Variants in MAP7 observed in about 807,000 individuals in gnomAD.
MAP7 encodes microtubule associated protein 7, also known as ensconsin.
MAP7 carries 52 observed loss-of-function variants against 94.8 expected under a neutral mutation model. That is an observed-to-expected ratio of 0.55 (90% CI 0.44 to 0.69). The LOEUF (loss-of-function observed/expected upper bound fraction) is 0.69. Among genes scored for constraint, MAP7 ranks in the 30% least tolerant of loss-of-function variants. The probability of loss-of-function intolerance (pLI) is 0.00; values close to 1 mark genes in which losing one functional copy is unlikely to be tolerated. For synonymous variants in MAP7, 350 were observed against 357.0 expected (o/e 0.98, Z 0.22); for missense variants, 940 against 964.6 (o/e 0.97, Z 0.34).
chr6:136,442,639 T>C (rs1200997523), intron 1 of MAP7, among the ~76,000 whole-genome samples: 1 of 152,084 alleles, frequency 6.6e-6, no homozygotes, highest in African/African-American at 2.4e-5. Flanking sequence ...ACATCTCTGG[T>C]TTAGAACCAC....
intron 1 of MAP7, among the ~76,000 whole-genome samples, chr6:136,491,681 T>TA (rs1231372544): frequency 6.6e-6 from 1 of 152,222 alleles, no homozygotes; most frequent in Admixed American, 6.5e-5. Context: ...AATGTGAGTC[T>TA]AACACTCAAT....
At chr6:136,548,610 G>C (rs574650789) in intron 1 of MAP7, among the ~76,000 whole-genome samples, 1 of 152,308 alleles carries the variant, frequency 6.6e-6, no homozygotes, top group Admixed American at 6.5e-5. Context: ...ATATTACACT[G>C]ACAGGCACAT....
At chr6:136,534,158 T>C (rs9389401) in intron 1 of MAP7, among the ~76,000 whole-genome samples, 18,347 of 152,180 alleles carry the variant, frequency 0.12, 2,802 homozygotes, top group African/African-American at 0.36. Flanking sequence ...GAACCAATAG[T>C]ATTTTTGGTT....
At chr6:136,467,909 C>A (rs1405752196) in intron 1 of MAP7, among the ~76,000 whole-genome samples, 1 of 152,136 alleles carries the variant, frequency 6.6e-6, no homozygotes, top group East Asian at 1.9e-4. Context: ...AGCAGTTGGA[C>A]CTGACCCAAT....
At chr6:136,407,236 A>G (rs1397481161) in intron 3 of MAP7, among the ~76,000 whole-genome samples, 1 of 152,240 alleles carries the variant, frequency 6.6e-6, no homozygotes, top group African/African-American at 2.4e-5. Flanking sequence ...ACAAAAAATT[A>G]GAGACCACAG....
intron 1 of MAP7, among the ~76,000 whole-genome samples, chr6:136,524,815 C>T (rs910033154): frequency 2.6e-5 from 4 of 152,202 alleles, no homozygotes; most frequent in East Asian, 1.9e-4. Context: ...TAAATATTTG[C>T]TTTCTACTTT....
chr6:136,433,781 GATAGGCA>G (rs1280602503), intron 1 of MAP7, among the ~76,000 whole-genome samples: 13 of 152,146 alleles, frequency 8.5e-5, no homozygotes, highest in Non-Finnish European at 1.6e-4. Context: ...ACCTTCTCTG[GATAGGCA>G]ATAAAGTAGT....
In MAP7 at chr6:136,447,504, T is replaced by G. The variant is rs182458964; in HGVS notation, c.68-25705A>C. 5.1e-3 allele frequency among the ~76,000 whole-genome samples: 777 copies of G among 152,324 alleles called. 10 individuals carry two copies. The highest frequency in any genetic ancestry group is 9.2e-3 in the Non-Finnish European group (625 of 68,036). ...TACTGCATTATGCTTTAACTGTTCTTGTAAACACTTTTAGAACAATGGAGA... is the reference window on the plus strand; with the variant it reads ...TACTGCATTATGCTTTAACTGTTCTGGTAAACACTTTTAGAACAATGGAGA... On this transcript the variant is annotated intron_variant, in intron 1 of 17. Transcript: ENST00000354570.
intron 3 of MAP7, among the ~76,000 whole-genome samples, chr6:136,391,585 C>CAAT (rs397743457): frequency 2.0e-5 from 3 of 148,962 alleles, no homozygotes; most frequent in African/African-American, 7.4e-5. Flanking sequence ...ACAACAACAA[C>CAAT]CAAACCACAT....
chr6:136,456,767 G>GGAAGAAGAAGAAGAAGAAGAAGAA (rs1554259489), intron 1 of MAP7, among the ~76,000 whole-genome samples: 13 of 60,592 alleles, frequency 2.1e-4, no homozygotes, highest in Admixed American at 3.9e-4. Context: ...AGGAGGAGGA[G>GGAAGAAGAAGAAGAAGAAGAAGAA]GAAGAAGAAG....
intron 1 of MAP7, among the ~76,000 whole-genome samples, chr6:136,453,620 G>A (rs1166818379): frequency 1.3e-5 from 2 of 152,126 alleles, no homozygotes; most frequent in Non-Finnish European, 1.5e-5. Flanking sequence ...GAGACTTCCT[G>A]CATTAGACAC....
rs1807344875 is a variant in MAP7 at position 136,466,990 on chromosome 6, G to C, written c.68-45191C>G. 4 of 1,130,746 alleles carry C rather than the reference G, an allele frequency of 3.5e-6. No homozygotes were observed. The East Asian group carries it at 8.3e-5, about 24-fold the overall frequency. The allele number at this position is 1,130,746 out of a possible 1,614,324, so 70.0% of individuals were successfully genotyped here. ...ACTCGACAGCCACTGTTTTTAAACA[G>C]TAACCGTGTTCACTGAACCAAGCAA... On this transcript the variant is annotated intron_variant, in intron 1 of 17. Coordinates refer to ENST00000354570, the MANE Select transcript of MAP7 (RefSeq NM_003980.6).
intron 1 of MAP7, among the ~76,000 whole-genome samples, chr6:136,499,043 C>A (rs1400807667): frequency 6.6e-6 from 1 of 152,046 alleles, no homozygotes; most frequent in Non-Finnish European, 1.5e-5. Context: ...CAGGTAACCC[C>A]CAGGTAGCTG....
At chr6:136,474,627 A>C (rs142537437) in intron 1 of MAP7, among the ~76,000 whole-genome samples, 1 of 152,344 alleles carries the variant, frequency 6.6e-6, no homozygotes, top group East Asian at 1.9e-4. Flanking sequence ...ATCTGTGACA[A>C]TGTGATAGAC....
intron 7 of MAP7, among the ~76,000 whole-genome samples, chr6:136,374,922 C>A (rs1035564685): frequency 6.6e-6 from 1 of 152,036 alleles, no homozygotes; most frequent in Admixed American, 6.6e-5. Context: ...GAAATAATAA[C>A]AATATATAGT....
chr6:136,364,585 T>G (rs1432254507), intron 10 of MAP7: 1 of 204,082 alleles, frequency 4.9e-6, no homozygotes. Flanking sequence ...GTGACTTGCT[T>G]CTACTTAACA....
intron 1 of MAP7, chr6:136,526,602 G>A (rs1476701399): frequency 1.0e-6 from 1 of 985,402 alleles, no homozygotes; most frequent in Admixed American, 6.2e-5. Context: ...CCAGCAGAGG[G>A]TTACAGCGTG....
intron 1 of MAP7, among the ~76,000 whole-genome samples, chr6:136,452,605 T>A: frequency 6.6e-6 from 1 of 152,016 alleles, no homozygotes; most frequent in East Asian, 1.9e-4. Flanking sequence ...CAGGCTGGAG[T>A]GCAGTGGCAC....
intron 1 of MAP7, among the ~76,000 whole-genome samples, chr6:136,485,382 C>G (rs1013221174): frequency 3.9e-5 from 6 of 152,062 alleles, no homozygotes; most frequent in African/African-American, 1.4e-4. Flanking sequence ...TGTTTCGACA[C>G]GACATTTCCC....
Sources: gnomAD v4.1 joint callset for allele counts (sites outside exome capture counted in the v4.1 genomes callset) on GRCh38, gnomAD v4.1.1 for gene constraint, MANE v1.5 for transcripts, NCBI Gene and HGNC (gene_info 2026-07-23, HGNC 2026-07-21) for gene names.